ARRB2: variants seen among roughly 807,000 people sequenced by gnomAD.
ARRB2 encodes beta-arrestin-2.
In ARRB2, 21 loss-of-function variants were observed where a neutral mutation model predicts 53.4. That is an observed-to-expected ratio of 0.39 (90% confidence interval 0.28 to 0.57). The LOEUF is 0.57. ARRB2 is among the 20% of genes least tolerant of loss of function. The pLI is 0.55. For synonymous variants in ARRB2, 180 were observed against 212.9 expected (o/e 0.85, Z 1.34); for missense variants, 369 against 527.5 (o/e 0.70, Z 2.94).
At chr17:4,711,340 C>A (rs966531587) in intron 1 of ARRB2, among the ~76,000 whole-genome samples, 27 of 152,190 alleles carry the variant, frequency 1.8e-4, no homozygotes, top group East Asian at 1.9e-4. Flanking sequence ...GCAGTATTCA[C>A]CCTGGGCGCG....
intron 8 of ARRB2, 66 bp from the exon 9 acceptor site, chr17:4,718,195 G>C: frequency 6.4e-7 from 1 of 1,550,438 alleles, no homozygotes; most frequent in Non-Finnish European, 8.8e-7. Flanking sequence ...TCTGTGTTTG[G>C]GGACACACTG....
At position 4,717,634 on chromosome 17, in the gene ARRB2, G is replaced by A; in HGVS notation, c.418-51G>A. 6.2e-7 allele frequency: 1 copy of A among 1,610,816 alleles called. No individual in the cohort carries two copies. Among genetic ancestry groups the A allele is most frequent in the Non-Finnish European group, 8.5e-7 (1 of 1,177,462 alleles). ...GGAAGGGGGAGGAAGAAAGGGCAGT[G>A]ATGGTGGCGGGAGCCTCCGGTAAGA... On this transcript the variant is annotated intron_variant, in intron 6 of 14. Transcript: ENST00000269260. This position sits in a 1 kb window ranked among gnomAD's most constrained non-coding sequence, Gnocchi z 6.0.
At chr17:4,711,296 C>G (rs1163508873) in intron 1 of ARRB2, among the ~76,000 whole-genome samples, 1 of 152,056 alleles carries the variant, frequency 6.6e-6, no homozygotes, top group Non-Finnish European at 1.5e-5. Flanking sequence ...CTCCCTGAAA[C>G]TAGATCGTAT....
At position 4,721,064 on chromosome 17, in the gene ARRB2, G is replaced by A; in HGVS notation, c.*25G>A. On this transcript the variant is annotated 3_prime_UTR_variant, in exon 15 of 15. Transcript: ENST00000269260. The surrounding 1 kb of genome is among the most constrained non-coding windows in gnomAD (Gnocchi z 4.2). ...GGAAGCGGGGTGGGAAGAAGGGAGG[G>A]GATGGGGTTGGGAGAGGTGAGGGCA... The A allele has an allele frequency of 3.1e-6, 5 of 1,603,040 alleles. No homozygotes were observed. The highest frequency in any genetic ancestry group is 4.3e-6 in the Non-Finnish European group (5 of 1,170,174).
Position 4,717,830 on chromosome 17 carries a change from G to C in ARRB2, c.486-58G>C, listed in dbSNP as rs1396486713. On this transcript the variant is annotated intron_variant, in intron 7 of 14. Transcript: ENST00000269260. This position sits in a 1 kb window ranked among gnomAD's most constrained non-coding sequence, Gnocchi z 6.0. ...CCAGGAGCCCAGGCCCCGTGCGGGG[G>C]AGGAGTAGGGTTGGGGTGTGTGAGG... 2 of 1,612,424 alleles carry C rather than the reference G, an allele frequency of 1.2e-6. No homozygotes were observed. The highest frequency in any genetic ancestry group is 1.7e-6 in the Non-Finnish European group (2 of 1,179,250).
rs150965794 is a variant in ARRB2 at position 4,718,376 on chromosome 17, G to C, written c.706+31G>C. The C allele has an allele frequency of 3.8e-4, 600 of 1,587,896 alleles. 2 individuals are homozygous for C. The East Asian group carries it at 0.011, about 29-fold the overall frequency. ...AGGTGGGGTTTGGAAGGGGGTCTTC[G>C]GGGAGGGCGTTACTGCACAGGTGGC... On this transcript the variant is annotated intron_variant, in intron 9 of 14. Coordinates refer to ENST00000269260, the MANE Select transcript of ARRB2 (RefSeq NM_004313.4).
chr17:4,715,448 C>G (rs1914851206), intron 2 of ARRB2: 2 of 279,334 alleles, frequency 7.2e-6, no homozygotes, highest in Non-Finnish European at 1.4e-5. Flanking sequence ...GCTGGTTGGG[C>G]TGAGTTCTCC....
intron 14 of ARRB2, 121 bp from the exon 15 acceptor site, chr17:4,720,825 T>C (rs1915627401): frequency 9.0e-7 from 1 of 1,116,244 alleles, no homozygotes; most frequent in Admixed American, 2.1e-5. Context: ...TAAATACCTC[T>C]GGTCCCACTG....
In ARRB2 at chr17:4,718,371, T is replaced by G. The variant is rs370033247; in HGVS notation, c.706+26T>G. ...GTAGGAGGTGGGGTTTGGAAGGGGG[T>G]CTTCGGGGAGGGCGTTACTGCACAG... On this transcript the variant is annotated intron_variant, in intron 9 of 14. Transcript: ENST00000269260. The G allele has an allele frequency of 2.5e-6, 4 of 1,594,590 alleles. No homozygotes were observed. In the African/African-American group the frequency reaches 5.4e-5, roughly 22 times the overall value.
chr17:4,714,970 G>A (rs1328591679), intron 1 of ARRB2, 43 bp from the exon 2 acceptor site: 5 of 1,577,062 alleles, frequency 3.2e-6, no homozygotes, highest in Non-Finnish European at 4.3e-6. Context: ...GGTCCCTGCT[G>A]AGTCTGAGGG....
In ARRB2 at chr17:4,717,663, G is replaced by A. The variant is rs1179741609; in HGVS notation, c.418-22G>A. Reference sequence around the variant, plus strand: ...GTGGCGGGAGCCTCCGGTAAGATGTGGCCTTTTCTCCCCTCCCCGAGGCCT... The same window carrying A: ...GTGGCGGGAGCCTCCGGTAAGATGTAGCCTTTTCTCCCCTCCCCGAGGCCT... On this transcript the variant is annotated intron_variant, in intron 6 of 14. Transcript: ENST00000269260. This position sits in a 1 kb window ranked among gnomAD's most constrained non-coding sequence, Gnocchi z 6.0. 2 of 1,613,958 alleles carry A rather than the reference G, an allele frequency of 1.2e-6. No homozygotes were observed. Among genetic ancestry groups the A allele is most frequent in the East Asian group, 4.5e-5 (2 of 44,862 alleles).
At chr17:4,718,445 C>A (rs1915305008) in intron 9 of ARRB2, 100 bp downstream of exon 9, 1 of 1,368,094 alleles carries the variant, frequency 7.3e-7, no homozygotes, top group Admixed American at 1.8e-5. Context: ...GTGCGGGAGA[C>A]CCACCAGGGC....
At chr17:4,718,969 T>C (rs1222150048) in intron 10 of ARRB2, among the ~76,000 whole-genome samples, 1 of 152,136 alleles carries the variant, frequency 6.6e-6, no homozygotes, top group Non-Finnish European at 1.5e-5. Flanking sequence ...AGACGAGGTT[T>C]CACCATGTTG....
chr17:4,715,139 C>A, intron 2 of ARRB2, 96 bp downstream of exon 2: 1 of 1,392,430 alleles, frequency 7.2e-7, no homozygotes, highest in Non-Finnish European at 9.8e-7. Context: ...AAAGATGATC[C>A]CCAACCCCTA....
intron 14 of ARRB2, 100 bp downstream of exon 14, chr17:4,720,740 C>T (rs935121964): frequency 1.3e-5 from 15 of 1,174,504 alleles, no homozygotes; most frequent in Non-Finnish European, 1.2e-5. Flanking sequence ...TGGGGAGAAG[C>T]GGATTGTAGC....
Position 4,717,088 on chromosome 17 carries a change from C to G in ARRB2, c.358-129C>G. ...ACCTCAGGTGATCCGCCCACCTTAG[C>G]CTTCCAAAGTGTTGGGATTACAGGC... On this transcript the variant is annotated intron_variant, in intron 5 of 14. Transcript: ENST00000269260. This position sits in a 1 kb window ranked among gnomAD's most constrained non-coding sequence, Gnocchi z 6.0. The G allele has an allele frequency of 2.8e-6, 3 of 1,090,738 alleles. No individual in the cohort carries two copies. The highest frequency in any genetic ancestry group is 4.2e-6 in the Non-Finnish European group (3 of 717,350). 67.6% of individuals were successfully genotyped at this position (1,090,738 alleles called of 1,614,324 possible). A position where few individuals can be genotyped will look rare whatever the true frequency, so the allele number is the denominator to read the frequency against.
intron 8 of ARRB2, 57 bp from the exon 9 acceptor site, chr17:4,718,204 T>A: frequency 6.4e-7 from 1 of 1,564,128 alleles, no homozygotes. Context: ...GGGGACACAC[T>A]GATGATGGGA....
intron 11 of ARRB2, 136 bp downstream of exon 11, chr17:4,719,556 T>G: frequency 4.7e-6 from 6 of 1,265,158 alleles, no homozygotes; most frequent in Non-Finnish European, 6.4e-6. Context: ...GGAGGGAGGA[T>G]AGCCAAATCT....
chr17:4,720,926 C>T lies in ARRB2; in HGVS notation c.1137-20C>T, dbSNP rs34451583. The T allele has an allele frequency of 3.8e-5, 61 of 1,612,600 alleles. No individual in the cohort carries two copies. In the African/African-American group the frequency reaches 7.1e-4, roughly 19 times the overall value. ...AGAGTCAGAAGCCCTCACCTCACAA[C>T]CCTCTTTCCCACCACCAAGCTATGC... On this transcript the variant is annotated intron_variant, in intron 14 of 14. Coordinates refer to ENST00000269260, the MANE Select transcript of ARRB2 (RefSeq NM_004313.4).
Sources: gnomAD v4.1 joint callset for allele counts (sites outside exome capture counted in the v4.1 genomes callset) on GRCh38, gnomAD v4.1.1 for gene constraint, Gnocchi (gnomAD v3.1) non-coding constraint, MANE v1.5 for transcripts, NCBI Gene and HGNC (gene_info 2026-07-23, HGNC 2026-07-21) for gene names.